MYO1A: variants seen among roughly 807,000 people sequenced by gnomAD.
The protein encoded by MYO1A is myosin IA, also known as unconventional myosin-Ia.
In MYO1A, 127 loss-of-function variants were observed where a neutral mutation model predicts 138.5. The observed-to-expected ratio is 0.92, with a 90% CI of 0.79 to 1.06. MYO1A has a LOEUF of 1.06. Among genes scored for constraint, MYO1A ranks in the 50% least tolerant of loss-of-function variants. The probability of loss-of-function intolerance (pLI) is 0.00; values close to 1 mark genes in which losing one functional copy is unlikely to be tolerated. For synonymous variants in MYO1A, 477 were observed against 497.5 expected (o/e 0.96, Z 0.55); for missense variants, 1,211 against 1,288.8 (o/e 0.94, Z 0.92).
chr12:57,028,960 C>G (rs1429901153), intron 27 of MYO1A, 79 bp from the exon 28 acceptor site: 5 of 1,597,150 alleles, frequency 3.1e-6, no homozygotes, highest in Non-Finnish European at 4.3e-6. Context: ...GCCCCCCCAT[C>G]ATGCGAGTCA....
intron 22 of MYO1A, among the ~76,000 whole-genome samples, chr12:57,032,619 G>T (rs2030339519): frequency 6.6e-6 from 1 of 152,074 alleles, no homozygotes; most frequent in African/African-American, 2.4e-5. Flanking sequence ...GGAGGTGGAG[G>T]TTGCAGTGAG....
rs1230467855 is a variant in MYO1A, at chr12:57,038,649, G to A, written c.1534-11C>T. 1.2e-6 allele frequency: 2 copies of A among 1,613,856 alleles called. No homozygotes were observed. The highest frequency in any genetic ancestry group is 2.2e-5 in the East Asian group (1 of 44,888). On this transcript the variant is annotated splice_polypyrimidine_tract_variant and intron_variant, in intron 16 of 27. Coordinates refer to ENST00000300119, the MANE Select transcript of MYO1A (RefSeq NM_005379.4). ...CACGTTGTATGTCACCTGTAAAGGA[G>A]CAGCTATTGGTTTGGAGACCCCACA...
Position 57,038,647 on chromosome 12 carries a change from G to C in MYO1A, c.1534-9C>G, listed in dbSNP as rs751502318. On this transcript the variant is annotated splice_polypyrimidine_tract_variant and intron_variant, in intron 16 of 27. Coordinates refer to ENST00000300119, the MANE Select transcript of MYO1A (RefSeq NM_005379.4). ...GTCACGTTGTATGTCACCTGTAAAG[G>C]AGCAGCTATTGGTTTGGAGACCCCA... 1 of 1,614,024 alleles carries C rather than the reference G, an allele frequency of 6.2e-7. No individual in the cohort carries two copies. The highest frequency in any genetic ancestry group is 8.5e-7 in the Non-Finnish European group (1 of 1,179,882).
At chr12:57,050,672 G>C (rs929999851), upstream of MYO1A, 7 of 152,140 alleles carry the variant, frequency 4.6e-5, no homozygotes, top group African/African-American at 1.7e-4. Context: ...CCATGAATCA[G>C]ACCCTATCAT....
intron 22 of MYO1A, among the ~76,000 whole-genome samples, chr12:57,033,833 T>C (rs1214899169): frequency 6.6e-6 from 1 of 152,222 alleles, no homozygotes; most frequent in African/African-American, 2.4e-5. Context: ...GAATACATAG[T>C]ATATTGCTGT....
chr12:57,035,305 G>T (rs1008110), intron 22 of MYO1A, among the ~76,000 whole-genome samples: 1 of 152,190 alleles, frequency 6.6e-6, no homozygotes, highest in East Asian at 1.9e-4. Context: ...AGCACAAGAG[G>T]TGATCAGGCA....
rs762846487 is a variant in MYO1A at position 57,043,132 on chromosome 12, A to G, written c.1038T>C (p.Ala346=). ...CAAAGAGGCGGCTGTAGATGTTCTT[A>G]GCCAGGGCGTCCCGAGCATACTGAG... ...MQAQYARDAL[A]KNIYSRLFDW... Residue 346 remains alanine, a synonymous_variant, in exon 12 of 28, where the codon GCT becomes GCC. Coordinates refer to ENST00000300119, the MANE Select transcript of MYO1A (RefSeq NM_005379.4). The G allele has an allele frequency of 6.2e-7, 1 of 1,614,170 alleles. No homozygotes were observed.
At chr12:57,032,064 G>A (rs769841057) in intron 22 of MYO1A, among the ~76,000 whole-genome samples, 12 of 152,138 alleles carry the variant, frequency 7.9e-5, no homozygotes, top group Non-Finnish European at 8.8e-5. Context: ...CTTAGCTCTC[G>A]ATGCTCTCTT....
intron 1 of MYO1A, among the ~76,000 whole-genome samples, chr12:57,049,302 CACAGG>C (rs1290210205): frequency 6.6e-6 from 1 of 152,182 alleles, no homozygotes; most frequent in African/African-American, 2.4e-5. Flanking sequence ...AGTGGCCAGG[CACAGG>C]ACAGGATTAT....
At chr12:57,037,755 A>C in intron 18 of MYO1A, 114 bp from the exon 19 acceptor site, 2 of 1,495,142 alleles carry the variant, frequency 1.3e-6, no homozygotes. Context: ...TCATTTCTCA[A>C]AGTATCCATT....
intron 14 of MYO1A, 29 bp from the exon 15 acceptor site, chr12:57,039,303 G>A: frequency 1.9e-6 from 3 of 1,584,456 alleles, no homozygotes; most frequent in Non-Finnish European, 2.6e-6. Flanking sequence ...AAATTACAGG[G>A]AACACGTCCA....
Position 57,036,820 on chromosome 12 carries a change from C to T in MYO1A, c.2226G>A (p.Lys742=), listed in dbSNP as rs2030570897. The T allele has an allele frequency of 6.2e-7, 1 of 1,614,126 alleles. No homozygotes were observed. The highest frequency in any genetic ancestry group is 8.5e-7 in the Non-Finnish European group (1 of 1,180,050). Residue 742 remains lysine, a synonymous_variant, in exon 21 of 28, where the codon AAG becomes AAA. Transcript: ENST00000300119. ...GGATCAATAACACGGATGCCTTTAT[C>T]TTCCCATAGCATTTCTTTTGCTGTA... ...RGNMQKKCYG[K]IKASVLLIQA...
chr12:57,046,491 G>A, intron 8 of MYO1A, 61 bp downstream of exon 8: 1 of 1,292,978 alleles, frequency 7.7e-7, no homozygotes. Flanking sequence ...GGGACTGAAT[G>A]GAGGTTGGGG....
At chr12:57,045,598 A>G (rs1363886875) in intron 8 of MYO1A, among the ~76,000 whole-genome samples, 1 of 152,210 alleles carries the variant, frequency 6.6e-6, no homozygotes, top group Non-Finnish European at 1.5e-5. Flanking sequence ...GTTCCTGAAG[A>G]TCACAGAGAT....
chr12:57,045,188 T>G (rs2031043057), intron 8 of MYO1A, among the ~76,000 whole-genome samples: 1 of 152,200 alleles, frequency 6.6e-6, no homozygotes, highest in African/African-American at 2.4e-5. Context: ...CTGTGTGCCT[T>G]TCTGGCATGC....
chr12:57,044,712 A>T (rs2031019051), intron 8 of MYO1A, among the ~76,000 whole-genome samples: 1 of 152,138 alleles, frequency 6.6e-6, no homozygotes, highest in Non-Finnish European at 1.5e-5. Flanking sequence ...GTATACTTTT[A>T]AGTAGTGTTT....
In MYO1A at chr12:57,046,891, T is replaced by A. The variant is rs769652913; in HGVS notation, c.513A>T (p.Gly171=). ...KYMDIEFDFK[G]SPLGGVITNY... is the part of the protein sequence containing the mutation. ...TTGTGATGACACCACCGAGGGGGGA[T>A]CCCTTGAAGTCAAATTCAATATCCA... The change falls in exon 7 of 28, where the codon GGA becomes GGT. Residue 171 remains glycine, a synonymous_variant. Transcript: ENST00000300119. 1.9e-6 allele frequency: 3 copies of A among 1,613,992 alleles called. No homozygotes were observed. The highest frequency in any genetic ancestry group is 2.5e-6 in the Non-Finnish European group (3 of 1,179,980).
chr12:57,034,883 T>C (rs1380987727), intron 22 of MYO1A, among the ~76,000 whole-genome samples: 1 of 152,092 alleles, frequency 6.6e-6, no homozygotes, highest in Non-Finnish European at 1.5e-5. Context: ...GGATAATCAC[T>C]TGAACCTGGG....
chr12:57,035,090 C>T (rs897759283), intron 22 of MYO1A, among the ~76,000 whole-genome samples: 1 of 152,156 alleles, frequency 6.6e-6, no homozygotes, highest in African/African-American at 2.4e-5. Context: ...GCCCAGTGCC[C>T]GCAGGCTTCT....
Sources: gnomAD v4.1 joint callset for allele counts (sites outside exome capture counted in the v4.1 genomes callset) on GRCh38, gnomAD v4.1.1 for gene constraint, MANE v1.5 for transcripts, NCBI Gene and HGNC (gene_info 2026-07-23, HGNC 2026-07-21) for gene names.